The following PTCHD1 variants were observed in gnomAD, a reference collection of about 807,000 sequenced individuals.
The protein encoded by PTCHD1 is patched domain containing 1, also known as patched domain-containing protein 1.
Under a neutral mutation model 34.6 loss-of-function variants are expected in PTCHD1, and 3 were observed. The ratio of observed to expected loss-of-function variants is 0.09; its 90% CI spans 0.04 to 0.22. The LOEUF (loss-of-function observed/expected upper bound fraction) is 0.22, where lower values mean the gene tolerates loss of function less well. Ranked by LOEUF, PTCHD1 falls within the 10% of genes least tolerant of loss-of-function variation. The pLI, the probability that PTCHD1 is intolerant of heterozygous loss-of-function variation, is 1.00. For missense variants in PTCHD1, 504 were observed against 685.5 expected (o/e 0.74, Z 2.96); for synonymous variants, 305 against 283.1 (o/e 1.08, Z -0.77).
chrX:23,367,031 T>C (rs1457541762), intron 1 of PTCHD1, among the ~76,000 whole-genome samples: 3 of 110,690 alleles, frequency 2.7e-5, no homozygotes, highest in Non-Finnish European at 5.7e-5. Context: ...GCTATTCCTA[T>C]CATAGCACTG....
chrX:23,355,167 G>C (rs1463952622), intron 1 of PTCHD1, among the ~76,000 whole-genome samples: 1 of 110,718 alleles, frequency 9.0e-6, no homozygotes, highest in Non-Finnish European at 1.9e-5. Flanking sequence ...AATAGACCCC[G>C]AGATTCCACG....
intron 1 of PTCHD1, among the ~76,000 whole-genome samples, chrX:23,360,242 C>G (rs1417149246): frequency 9.0e-6 from 1 of 111,562 alleles, no homozygotes; most frequent in Non-Finnish European, 1.9e-5. Context: ...TTCTATATAC[C>G]TCTAGTAGAA....
chrX:23,382,314 C>T (rs935757591), intron 2 of PTCHD1, among the ~76,000 whole-genome samples: 1 of 112,461 alleles, frequency 8.9e-6, no homozygotes. Context: ...TTCAAAACTT[C>T]GTTTCACTAA....
intron 2 of PTCHD1, among the ~76,000 whole-genome samples, chrX:23,383,396 C>T (rs1443449362): frequency 1.8e-5 from 2 of 111,312 alleles, no homozygotes; most frequent in African/African-American, 6.5e-5. Flanking sequence ...TAGGCCAAAT[C>T]CAGCCAAATG....
intron 1 of PTCHD1, among the ~76,000 whole-genome samples, chrX:23,352,793 G>A (rs891829618): frequency 2.7e-5 from 3 of 112,149 alleles, no homozygotes; most frequent in Non-Finnish European, 5.6e-5. Flanking sequence ...CCACAGATTG[G>A]CAGCGTCAGT....
chrX:23,382,710 C>T (rs901831375), intron 2 of PTCHD1, among the ~76,000 whole-genome samples: 6 of 112,883 alleles, frequency 5.3e-5, no homozygotes, highest in Non-Finnish European at 1.1e-4. Flanking sequence ...AGGAATGTTA[C>T]GTGCATTGAT....
chrX:23,355,397 T>C (rs1403865099), intron 1 of PTCHD1, among the ~76,000 whole-genome samples: 2 of 112,923 alleles, frequency 1.8e-5, no homozygotes, highest in Non-Finnish European at 3.7e-5. Context: ...CACCTCAAAA[T>C]GGTCTGCTCT....
chrX:23,352,098 C>T (rs953913831), intron 1 of PTCHD1, among the ~76,000 whole-genome samples: 39 of 111,715 alleles, frequency 3.5e-4, no homozygotes, highest in African/African-American at 1.2e-3. Flanking sequence ...AGCAATTGAC[C>T]TTAAAAAGAG....
intron 2 of PTCHD1, among the ~76,000 whole-genome samples, chrX:23,392,078 T>C (rs373237390): frequency 4.7e-4 from 37 of 79,102 alleles, no homozygotes; most frequent in Non-Finnish European, 2.5e-4. Context: ...TTCTTTCTTT[T>C]TTTTTTTTTT....
At chrX:23,353,984 C>T (rs1359448691) in intron 1 of PTCHD1, among the ~76,000 whole-genome samples, 3 of 111,456 alleles carry the variant, frequency 2.7e-5, no homozygotes, top group African/African-American at 3.3e-5. Flanking sequence ...GTGTTATAGT[C>T]TTCTGGGACG....
intron 1 of PTCHD1, among the ~76,000 whole-genome samples, chrX:23,357,221 G>A: frequency 8.9e-6 from 1 of 111,737 alleles, no homozygotes. Context: ...ATATCCAAGG[G>A]GCAAAAGGCT....
At chrX:23,343,811 C>G (rs1020170717) in intron 1 of PTCHD1, among the ~76,000 whole-genome samples, 1 of 112,483 alleles carries the variant, frequency 8.9e-6, no homozygotes, top group Non-Finnish European at 1.9e-5. Context: ...ATGGCTTTGT[C>G]AATTCTTTCT....
At chrX:23,344,936 G>C (rs1921436174) in intron 1 of PTCHD1, among the ~76,000 whole-genome samples, 1 of 111,908 alleles carries the variant, frequency 8.9e-6, no homozygotes, top group African/African-American at 3.3e-5. Context: ...CATGACTACA[G>C]TGTTTCCCTG....
intron 1 of PTCHD1, 134 bp from the exon 2 acceptor site, chrX:23,379,457 T>A: frequency 1.5e-6 from 1 of 646,202 alleles, no homozygotes; most frequent in South Asian, 2.9e-5. Context: ...TTCACATTCC[T>A]ACTACCTATT....
chrX:23,400,238 T>A lies in PTCHD1; in HGVS notation c.*6053T>A, dbSNP rs1923084318. ...TGGCTCAAGCCTGTAATCCCAGCAC[T>A]TTGGGAGGCGGAGGCGGGCAGATCA... On this transcript the variant is annotated 3_prime_UTR_variant, in exon 3 of 3. Coordinates refer to ENST00000379361, the MANE Select transcript of PTCHD1 (RefSeq NM_173495.3). 8.9e-6 allele frequency: 1 copy of A among 111,897 alleles called. No homozygotes were observed. The highest frequency in any genetic ancestry group is 1.9e-5 in the Non-Finnish European group (1 of 53,190). 9.2% of individuals were successfully genotyped at this position (111,897 alleles called of 1,213,427 possible).
intron 1 of PTCHD1, among the ~76,000 whole-genome samples, chrX:23,375,805 A>G (rs1347170876): frequency 9.0e-6 from 1 of 111,705 alleles, no homozygotes; most frequent in East Asian, 2.8e-4. Context: ...TTTTAAATAC[A>G]TTTTTCAACT....
chrX:23,388,335 ACTC>A (rs1336014557), intron 2 of PTCHD1, among the ~76,000 whole-genome samples: 1 of 111,838 alleles, frequency 8.9e-6, no homozygotes, highest in Non-Finnish European at 1.9e-5. Flanking sequence ...AGCTTATAGA[ACTC>A]CTACTTTGTA....
At chrX:23,351,134 G>A (rs1408435934) in intron 1 of PTCHD1, 3 of 561,760 alleles carry the variant, frequency 5.3e-6, no homozygotes, top group African/African-American at 4.7e-5. Context: ...TCTGGAGGAG[G>A]AAGCCAACAT....
At chrX:23,375,287 CTT>C (rs72075900) in intron 1 of PTCHD1, among the ~76,000 whole-genome samples, 3 of 83,715 alleles carry the variant, frequency 3.6e-5, no homozygotes, top group African/African-American at 4.8e-5. Flanking sequence ...GCTGACAATT[CTT>C]TTTTTTTTTT....
Sources: gnomAD v4.1 joint callset for allele counts (sites outside exome capture counted in the v4.1 genomes callset) on GRCh38, gnomAD v4.1.1 for gene constraint, MANE v1.5 for transcripts, NCBI Gene and HGNC (gene_info 2026-07-23, HGNC 2026-07-21) for gene names.